PCDH15: variants seen among roughly 807,000 people sequenced by gnomAD.
The protein encoded by PCDH15 is protocadherin-15.
PCDH15 carries 129 observed loss-of-function variants against 178.5 expected under a neutral mutation model. That is an observed-to-expected ratio of 0.72 (90% CI 0.63 to 0.84). The LOEUF is 0.84. Among genes scored for constraint, PCDH15 ranks in the 40% least tolerant of loss-of-function variants. The probability of loss-of-function intolerance (pLI) is 0.00; values close to 1 mark genes in which losing one functional copy is unlikely to be tolerated. For missense variants in PCDH15, 2,230 were observed against 2,099.9 expected (o/e 1.06, Z -1.21); for synonymous variants, 800 against 732.0 (o/e 1.09, Z -1.50).
chr10:54,691,413 A>G (rs1373891464), intron 1 of PCDH15, among the ~76,000 whole-genome samples: 1 of 152,066 alleles, frequency 6.6e-6, no homozygotes, highest in African/African-American at 2.4e-5. Flanking sequence ...AACCCATTGT[A>G]TTCCTATAAA....
chr10:54,566,897 A>C (rs1565615748), intron 2 of PCDH15, among the ~76,000 whole-genome samples: 1 of 152,162 alleles, frequency 6.6e-6, no homozygotes, highest in Non-Finnish European at 1.5e-5. Flanking sequence ...TTAGTTTTGT[A>C]AGAAACTTTC....
chr10:54,243,111 T>G (rs2055574679), intron 8 of PCDH15, among the ~76,000 whole-genome samples: 1 of 152,230 alleles, frequency 6.6e-6, no homozygotes, highest in East Asian at 1.9e-4. Context: ...AGTACTTAAT[T>G]ACTTTCACTA....
chr10:55,199,863 G>A (rs1202861463), intron 1 of PCDH15, among the ~76,000 whole-genome samples: 1 of 152,120 alleles, frequency 6.6e-6, no homozygotes, highest in Non-Finnish European at 1.5e-5. Context: ...TCCACATGGT[G>A]TTGGGCCTTC....
intron 2 of PCDH15, among the ~76,000 whole-genome samples, chr10:54,945,056 C>A (rs930520990): frequency 6.6e-6 from 1 of 151,864 alleles, no homozygotes; most frequent in Non-Finnish European, 1.5e-5. Context: ...TCTGCTACAG[C>A]AGATATAATC....
At chr10:54,647,608 T>C (rs2094158863) in intron 2 of PCDH15, among the ~76,000 whole-genome samples, 1 of 152,108 alleles carries the variant, frequency 6.6e-6, no homozygotes, top group Non-Finnish European at 1.5e-5. Flanking sequence ...GTAGGATTTG[T>C]GTGAAATTAA....
intron 26 of PCDH15, among the ~76,000 whole-genome samples, chr10:53,895,206 C>T (rs1275671277): frequency 6.6e-6 from 1 of 152,158 alleles, no homozygotes; most frequent in African/African-American, 2.4e-5. Context: ...TATTACCCTA[C>T]ATTGTTAACC....
intron 32 of PCDH15, chr10:53,823,544 C>A: frequency 1.4e-6 from 1 of 732,826 alleles, no homozygotes; most frequent in Non-Finnish European, 2.5e-6. Flanking sequence ...GCAGAAAAAT[C>A]TTAGAGTTGT....
At chr10:54,589,108 T>A (rs2091708259) in intron 2 of PCDH15, among the ~76,000 whole-genome samples, 1 of 152,206 alleles carries the variant, frequency 6.6e-6, no homozygotes, top group Non-Finnish European at 1.5e-5. Flanking sequence ...ATAATTTTGA[T>A]GTTAGTAATC....
intron 1 of PCDH15, among the ~76,000 whole-genome samples, chr10:55,311,011 T>C (rs1843572447): frequency 6.6e-6 from 1 of 152,174 alleles, no homozygotes; most frequent in Non-Finnish European, 1.5e-5. Context: ...ACTTAAAGTA[T>C]AATAATTTTA....
intron 25 of PCDH15, among the ~76,000 whole-genome samples, chr10:53,934,457 CTG>C (rs967701874): frequency 1.3e-5 from 2 of 151,928 alleles, no homozygotes; most frequent in Non-Finnish European, 2.9e-5. Flanking sequence ...AAAAAAATGA[CTG>C]TGGTGGCAGG....
intron 1 of PCDH15, among the ~76,000 whole-genome samples, chr10:55,295,333 G>A (rs1172700456): frequency 6.6e-6 from 1 of 152,144 alleles, no homozygotes; most frequent in Non-Finnish European, 1.5e-5. Flanking sequence ...ACACAGCAAG[G>A]ATTCTTCCTT....
chr10:54,449,467 G>T (rs2076335016), intron 3 of PCDH15, among the ~76,000 whole-genome samples: 1 of 151,738 alleles, frequency 6.6e-6, no homozygotes, highest in South Asian at 2.1e-4. Context: ...CTCTATCCAT[G>T]AGTTCAATTA....
chr10:54,391,233 C>G (rs1321793958), intron 3 of PCDH15, among the ~76,000 whole-genome samples: 1 of 152,162 alleles, frequency 6.6e-6, no homozygotes. Context: ...GCACTCATCC[C>G]ATGCCACCAC....
intron 2 of PCDH15, among the ~76,000 whole-genome samples, chr10:55,547,967 CAGAG>C (rs1214659069): frequency 2.6e-5 from 3 of 115,594 alleles, no homozygotes; most frequent in Non-Finnish European, 5.6e-5. Flanking sequence ...GACAGAGAAA[CAGAG>C]AGCTGACGAG....
intron 3 of PCDH15, among the ~76,000 whole-genome samples, chr10:54,424,083 C>A (rs1231309565): frequency 4.0e-5 from 6 of 151,746 alleles, no homozygotes; most frequent in Non-Finnish European, 1.5e-5. Context: ...AGGCAACCTA[C>A]AGAATGGGAG....
intron 2 of PCDH15, among the ~76,000 whole-genome samples, chr10:55,119,825 G>A (rs1193972399): frequency 6.6e-6 from 1 of 152,202 alleles, no homozygotes; most frequent in African/African-American, 2.4e-5. Context: ...AGACATCAAA[G>A]AGAAAGTTTG....
chr10:54,939,190 T>G lies in PCDH15; in HGVS notation c.-79-41690A>C, dbSNP rs989489788. Among the ~76,000 whole-genome samples, 18 of 152,124 alleles carry G rather than the reference T, an allele frequency of 1.2e-4. No homozygotes were observed. In the South Asian group the frequency reaches 2.7e-3, roughly 23 times the overall value. ...TAGTTTGTGTCTTTCTAGGTAATTT[T>G]CTATTTTATCAAAAGTGATGTAGGC... On this transcript the variant is annotated intron_variant, in intron 2 of 5. Transcript: ENST00000458638.
At chr10:54,601,373 T>C (rs79310523) in intron 2 of PCDH15, among the ~76,000 whole-genome samples, 1,922 of 151,942 alleles carry the variant, frequency 0.013, 44 homozygotes, top group African/African-American at 0.044. Context: ...GTGAAAAGTA[T>C]ATGAACAGAC....
At chr10:54,713,041 G>A (rs2095442019) in intron 1 of PCDH15, among the ~76,000 whole-genome samples, 1 of 151,976 alleles carries the variant, frequency 6.6e-6, no homozygotes, top group African/African-American at 2.4e-5. Flanking sequence ...TATGCCATAG[G>A]TAATGGGCAT....
Sources: allele counts gnomAD v4.1 joint callset (sites outside exome capture counted in the v4.1 genomes callset), GRCh38; gene constraint gnomAD v4.1.1; transcripts MANE v1.5; gene names NCBI Gene and HGNC (gene_info 2026-07-23, HGNC 2026-07-21).